The following TMEM255B variants were observed in gnomAD, a reference collection of about 807,000 sequenced individuals.
The protein encoded by TMEM255B is family with sequence similarity 70, member B.
Under a neutral mutation model 34.5 loss-of-function variants are expected in TMEM255B, and 35 were observed. The observed-to-expected ratio is 1.01, with a 90% CI of 0.77 to 1.34. The LOEUF is 1.34. Ranked by LOEUF, TMEM255B falls within the 40% of genes most tolerant of loss-of-function variation. The probability of loss-of-function intolerance (pLI) is 0.00; values close to 1 mark genes in which losing one functional copy is unlikely to be tolerated. For synonymous variants in TMEM255B, 206 were observed against 201.2 expected, an observed-to-expected ratio of 1.02 and a Z score of -0.20; for missense variants, 432 against 433.2, an observed-to-expected ratio of 1.00 and a Z score of 0.02.
At chr13:113,794,056 G>T (rs1017392084) in intron 3 of TMEM255B, among the ~76,000 whole-genome samples, 2 of 152,232 alleles carry the variant, frequency 1.3e-5, no homozygotes, top group South Asian at 2.1e-4. Flanking sequence ...GTGACGATAG[G>T]TGTGCAGCCT....
At chr13:113,784,091 A>G (rs1374246237) in intron 3 of TMEM255B, among the ~76,000 whole-genome samples, 2 of 152,096 alleles carry the variant, frequency 1.3e-5, no homozygotes, top group Non-Finnish European at 2.9e-5. Flanking sequence ...ACCATAAAAA[A>G]CTAAACGCTT....
chr13:113,778,426 A>G (rs2050614432), intron 3 of TMEM255B, among the ~76,000 whole-genome samples: 1 of 151,930 alleles, frequency 6.6e-6, no homozygotes, highest in Admixed American at 6.6e-5. Flanking sequence ...TGATATGACG[A>G]TGATCACCTG....
intron 3 of TMEM255B, among the ~76,000 whole-genome samples, chr13:113,778,274 C>A (rs1358934266): frequency 6.6e-6 from 1 of 152,226 alleles, no homozygotes; most frequent in East Asian, 1.9e-4. Context: ...TATGTCATCT[C>A]CCAGCAAGAT....
intron 4 of TMEM255B, among the ~76,000 whole-genome samples, chr13:113,796,671 C>T (rs933631331): frequency 2.0e-5 from 3 of 152,180 alleles, no homozygotes; most frequent in African/African-American, 7.2e-5. Flanking sequence ...TGGGCTGCGC[C>T]ATCCCCCCTC....
At position 113,770,526 on chromosome 13, in the gene TMEM255B, C is replaced by T. The variant is rs140770093; in HGVS notation, c.252+1366C>T. Among the ~76,000 whole-genome samples, 16 of 152,302 alleles carry T rather than the reference C, an allele frequency of 1.1e-4. No homozygotes were observed. The highest frequency in any genetic ancestry group is 3.8e-4 in the African/African-American group (16 of 41,562). The stretch of plus-strand genomic sequence containing the variant: ...GTCCCTGGAGGGTTGGGGGTGGCTG[C>T]AAAGACACTGGGATTCTGGTGGAGC... On this transcript the variant is annotated intron_variant, in intron 3 of 8. Coordinates refer to ENST00000375353, the MANE Select transcript of TMEM255B (RefSeq NM_182614.4). The surrounding 1 kb of genome is among the most constrained non-coding windows in gnomAD (Gnocchi z 4.6).
At chr13:113,795,877 CACA>C (rs1266578354) in intron 4 of TMEM255B, among the ~76,000 whole-genome samples, 15 of 134,168 alleles carry the variant, frequency 1.1e-4, no homozygotes, top group African/African-American at 4.3e-4. Context: ...GTACACAGCA[CACA>C]ACACACAGAG....
rs1447615928 is a variant in TMEM255B at position 113,812,846 on chromosome 13, G to A, written c.*943G>A. 5 of 160,030 alleles carry A rather than the reference G, an allele frequency of 3.1e-5. No individual in the cohort carries two copies. The South Asian group carries it at 3.4e-4, about 11-fold the overall frequency. 9.9% of individuals were successfully genotyped at this position (160,030 alleles called of 1,614,324 possible). ...TGAGTGGGTCACAGGTCCCGGGTGG[G>A]TCACAGGCATCCCGGGTGGGTCACA... On this transcript the variant is annotated 3_prime_UTR_variant, in exon 9 of 9. Transcript: ENST00000375353.
intron 1 of TMEM255B, among the ~76,000 whole-genome samples, chr13:113,765,347 T>A (rs1308787539): frequency 6.6e-6 from 1 of 152,214 alleles, no homozygotes; most frequent in Non-Finnish European, 1.5e-5. Context: ...GCCTTGCCAT[T>A]GAGCTCTGCT....
intron 7 of TMEM255B, among the ~76,000 whole-genome samples, chr13:113,803,817 C>T (rs1313275562): frequency 6.6e-6 from 1 of 152,226 alleles, no homozygotes; most frequent in Non-Finnish European, 1.5e-5. Flanking sequence ...GCCCGCTGGG[C>T]AGGGGGCTCC....
intron 4 of TMEM255B, among the ~76,000 whole-genome samples, chr13:113,797,833 T>G (rs914729064): frequency 2.0e-5 from 3 of 152,252 alleles, no homozygotes; most frequent in South Asian, 4.1e-4. Context: ...TTGCAGGTGA[T>G]GCAGTTTTGT....
chr13:113,767,063 G>C (rs1217806098), intron 2 of TMEM255B, among the ~76,000 whole-genome samples: 1 of 152,190 alleles, frequency 6.6e-6, no homozygotes, highest in Non-Finnish European at 1.5e-5. Flanking sequence ...ACGTCATAAA[G>C]TGCTAAAGCA....
intron 6 of TMEM255B, among the ~76,000 whole-genome samples, chr13:113,801,240 C>T (rs1442224522): frequency 2.6e-5 from 4 of 152,318 alleles, no homozygotes; most frequent in Admixed American, 1.3e-4. Context: ...GGACACAGCC[C>T]GTGTGTGTCG....
chr13:113,768,941 C>T (rs1456970900), intron 2 of TMEM255B, 157 bp from the exon 3 acceptor site: 1 of 760,110 alleles, frequency 1.3e-6, no homozygotes, highest in South Asian at 1.5e-5. Flanking sequence ...AGCAGACGCA[C>T]CTGCTGCTCA....
chr13:113,775,389 C>T (rs887265840), intron 3 of TMEM255B, among the ~76,000 whole-genome samples: 5 of 152,382 alleles, frequency 3.3e-5, no homozygotes, highest in Middle Eastern at 3.4e-3. Context: ...CTTCCTGGGG[C>T]GTCGGGCCCC....
intron 8 of TMEM255B, 128 bp from the exon 9 acceptor site, chr13:113,811,608 G>A (rs1224286687): frequency 1.9e-6 from 2 of 1,032,524 alleles, no homozygotes; most frequent in Non-Finnish European, 2.7e-6. Flanking sequence ...CCCTGAGTCT[G>A]CGGGTGGCCC....
At chr13:113,797,363 T>C (rs2050961557) in intron 4 of TMEM255B, among the ~76,000 whole-genome samples, 1 of 152,220 alleles carries the variant, frequency 6.6e-6, no homozygotes, top group Admixed American at 6.5e-5. Context: ...ATTACAGCTC[T>C]AAGGGCGTCA....
In TMEM255B at chr13:113,810,262, C is replaced by T. The variant is rs114079790; in HGVS notation, c.814-1474C>T. Among the ~76,000 whole-genome samples, 633 of 152,278 alleles carry T rather than the reference C, an allele frequency of 4.2e-3. 2 individuals carry two copies. The highest frequency in any genetic ancestry group is 0.019 in the South Asian group (91 of 4,828). ...ATCTGGTAGCTTGGAGTTTGAAAAA[C>T]TCTTCCTGTGTTATTTCTTAGAAGG... On this transcript the variant is annotated intron_variant, in intron 8 of 8. Transcript: ENST00000375353.
chr13:113,816,078 C>G lies in TMEM255B; in HGVS notation c.*4175C>G, dbSNP rs9604503. 0.19 allele frequency: 17,235 copies of G among 89,330 alleles called. 2,019 individuals are homozygous for G. The highest frequency in any genetic ancestry group is 0.39 in the African/African-American group (8,041 of 20,808). The allele number at this position is 89,330 out of a possible 1,614,324, so 5.5% of individuals were successfully genotyped here. ...TGTATGGGGAGAGATGCAGTCACTG[C>G]TCAGGGACACGGGTTCTTTTCGGGG... On this transcript the variant is annotated 3_prime_UTR_variant, in exon 9 of 9. Transcript: ENST00000375353.
chr13:113,807,225 C>T (rs1406779051), intron 8 of TMEM255B, among the ~76,000 whole-genome samples: 2 of 152,230 alleles, frequency 1.3e-5, no homozygotes, highest in Non-Finnish European at 2.9e-5. Flanking sequence ...TGTGTCCTCC[C>T]TGCCTGTGAG....
Sources: allele counts gnomAD v4.1 joint callset (sites outside exome capture counted in the v4.1 genomes callset), GRCh38; gene constraint gnomAD v4.1.1; non-coding constraint Gnocchi (gnomAD v3.1); transcripts MANE v1.5; gene names NCBI Gene and HGNC (gene_info 2026-07-23, HGNC 2026-07-21).